FBXL20: variants seen among roughly 807,000 people sequenced by gnomAD.
FBXL20 encodes the protein F-box and leucine rich repeat protein 20.
A neutral mutation model predicts 64.0 loss-of-function variants in FBXL20; 11 were observed. That is an observed-to-expected ratio of 0.17 (90% CI 0.11 to 0.28). The LOEUF is 0.28. FBXL20 is among the 10% of genes least tolerant of loss of function. The pLI, the probability that FBXL20 is intolerant of heterozygous loss-of-function variation, is 1.00. For synonymous variants in FBXL20, 184 were observed against 189.0 expected (o/e 0.97, Z 0.22); for missense variants, 303 against 526.2 (o/e 0.58, Z 4.15).
At chr17:39,290,618 G>A (rs968474177) in intron 6 of FBXL20, among the ~76,000 whole-genome samples, 3 of 152,138 alleles carry the variant, frequency 2.0e-5, no homozygotes, top group African/African-American at 4.8e-5. Context: ...AGGCTGAAGT[G>A]CAGTGGCATG....
intron 1 of FBXL20, among the ~76,000 whole-genome samples, chr17:39,359,377 C>T (rs2047772687): frequency 6.6e-6 from 1 of 152,022 alleles, no homozygotes; most frequent in African/African-American, 2.4e-5. Flanking sequence ...GCAATCCCAG[C>T]ACTTTGGGAG....
At chr17:39,384,869 G>C (rs2048062275) in intron 1 of FBXL20, among the ~76,000 whole-genome samples, 1 of 151,644 alleles carries the variant, frequency 6.6e-6, no homozygotes, top group Non-Finnish European at 1.5e-5. Context: ...ATAATCACGT[G>C]AACCTGAGAA....
chr17:39,357,339 T>C (rs2047752388), intron 1 of FBXL20, among the ~76,000 whole-genome samples: 2 of 151,354 alleles, frequency 1.3e-5, no homozygotes, highest in South Asian at 4.2e-4. Flanking sequence ...TAATCAAATA[T>C]CACTTGACCA....
rs184381025 is a variant in FBXL20, at chr17:39,255,100, C to T, written c.*6360G>A. ...AGAGGTTATGTACTGACCTTCCTAA[C>T]GATCAAAGGCTTCAGAGACACTGAA... On this transcript the variant is annotated 3_prime_UTR_variant, in exon 15 of 15. Transcript: ENST00000264658. 3 of 152,170 alleles carry T rather than the reference C, an allele frequency of 2.0e-5. No homozygotes were observed. Among genetic ancestry groups the T allele is most frequent in the Non-Finnish European group, 2.9e-5 (2 of 68,048 alleles). The allele number at this position is 152,170 out of a possible 1,614,324, so 9.4% of individuals were successfully genotyped here. A position where few individuals can be genotyped will look rare whatever the true frequency, so the allele number is the denominator to read the frequency against.
At position 39,281,440 on chromosome 17, in the gene FBXL20, G is replaced by A. The variant is rs2046949707; in HGVS notation, c.645C>T (p.Tyr215=). The A allele has an allele frequency of 6.2e-7, 1 of 1,613,626 alleles. No individual in the cohort carries two copies. ...CCAGTTCAGGGCAGTGTGCACCTAT[G>A]TACTTGAGAGCTTCATCTTCTAGCT... ...CTQLEDEALK[Y]IGAHCPELVT... The change falls in exon 9 of 15, where the codon TAC becomes TAT. Residue 215 remains tyrosine, a synonymous_variant. Transcript: ENST00000264658.
chr17:39,265,634 G>A (rs1373734103), intron 12 of FBXL20, among the ~76,000 whole-genome samples, 181 bp from the exon 13 acceptor site: 3 of 151,596 alleles, frequency 2.0e-5, no homozygotes, highest in Non-Finnish European at 4.4e-5. Context: ...AGCCCCCTGA[G>A]TAGCTGGGAC....
chr17:39,275,120 A>C lies in FBXL20; in HGVS notation c.697-20T>G. 6.3e-7 allele frequency: 1 copy of C among 1,598,214 alleles called. No homozygotes were observed. On this transcript the variant is annotated intron_variant, in intron 9 of 14. Transcript: ENST00000264658. ...GATTTGCTAAAAAACAAGAGCAAAA[A>C]AATCCATAGATATTAGTATCTTAGC...
chr17:39,397,929 C>G (rs1052534713), intron 1 of FBXL20, among the ~76,000 whole-genome samples: 2 of 151,364 alleles, frequency 1.3e-5, no homozygotes, highest in African/African-American at 4.9e-5. Flanking sequence ...CTTACTTAAC[C>G]TCTCAGGCCT....
intron 2 of FBXL20, among the ~76,000 whole-genome samples, chr17:39,306,754 G>A (rs540832355): frequency 1.6e-4 from 24 of 152,196 alleles, no homozygotes; most frequent in African/African-American, 5.5e-4. Context: ...CTTCCCTTAG[G>A]TTTTCTTACA....
chr17:39,372,988 G>A (rs1435800922), intron 1 of FBXL20, among the ~76,000 whole-genome samples: 2 of 151,860 alleles, frequency 1.3e-5, no homozygotes, highest in African/African-American at 4.8e-5. Flanking sequence ...GATTAAATTA[G>A]ACTACTTATT....
intron 3 of FBXL20, among the ~76,000 whole-genome samples, chr17:39,303,025 A>G (rs1042999864): frequency 2.0e-5 from 3 of 151,820 alleles, no homozygotes; most frequent in African/African-American, 7.3e-5. Flanking sequence ...GAATCTTACT[A>G]ACTAGAATTA....
chr17:39,284,987 G>C (rs574617297), intron 7 of FBXL20, among the ~76,000 whole-genome samples: 1 of 151,782 alleles, frequency 6.6e-6, no homozygotes, highest in African/African-American at 2.4e-5. Flanking sequence ...CAGCACACTG[G>C]AGTGCAATGG....
intron 5 of FBXL20, among the ~76,000 whole-genome samples, chr17:39,298,109 T>A (rs2047102908): frequency 6.6e-6 from 1 of 151,864 alleles, no homozygotes; most frequent in South Asian, 2.1e-4. Flanking sequence ...AATAAATGAT[T>A]GCTTATTTAT....
At chr17:39,350,597 G>A (rs2047679186) in intron 1 of FBXL20, among the ~76,000 whole-genome samples, 1 of 151,766 alleles carries the variant, frequency 6.6e-6, no homozygotes, top group African/African-American at 2.4e-5. Flanking sequence ...GCCTCTGTAG[G>A]AGCATTAAAG....
chr17:39,384,474 G>A (rs1019977791), intron 1 of FBXL20, among the ~76,000 whole-genome samples: 1 of 151,696 alleles, frequency 6.6e-6, no homozygotes, highest in Non-Finnish European at 1.5e-5. Context: ...GTAGTGAGCC[G>A]AGATCACGTC....
intron 3 of FBXL20, among the ~76,000 whole-genome samples, chr17:39,303,038 G>A (rs1336697471): frequency 6.6e-6 from 1 of 151,702 alleles, no homozygotes. Context: ...TAGAATTACT[G>A]GTGAAGCAAA....
intron 2 of FBXL20, among the ~76,000 whole-genome samples, chr17:39,317,689 GTTTTTTTTTTT>G (rs2047308255): frequency 6.4e-5 from 3 of 47,136 alleles, no homozygotes; most frequent in African/African-American, 3.6e-4. Flanking sequence ...TTTTTTTTTT[GTTTTTTTTTTT>G]GTTTTTTTTT....
chr17:39,382,544 G>A (rs2048034989), intron 1 of FBXL20, among the ~76,000 whole-genome samples: 2 of 152,060 alleles, frequency 1.3e-5, no homozygotes, highest in South Asian at 4.1e-4. Context: ...TTCAAAACCA[G>A]GGGAAAGCCT....
At chr17:39,381,447 T>G (rs1410125336) in intron 1 of FBXL20, among the ~76,000 whole-genome samples, 1 of 135,186 alleles carries the variant, frequency 7.4e-6, no homozygotes, top group East Asian at 2.2e-4. Flanking sequence ...GCCACTGCAC[T>G]CCAGCCTGGG....
Sources: allele counts gnomAD v4.1 joint callset (sites outside exome capture counted in the v4.1 genomes callset), GRCh38; gene constraint gnomAD v4.1.1; transcripts MANE v1.5; gene names NCBI Gene and HGNC (gene_info 2026-07-23, HGNC 2026-07-21).